The following NAALADL2 variants were observed in gnomAD, a reference collection of about 807,000 sequenced individuals.
The protein encoded by NAALADL2 is N-acetylated alpha-linked acidic dipeptidase like 2.
In NAALADL2, 76 loss-of-function variants were observed where a neutral mutation model predicts 87.2. The observed-to-expected ratio is 0.87, with a 90% confidence interval of 0.72 to 1.05. NAALADL2 has a LOEUF of 1.05. Among genes scored for constraint, NAALADL2 ranks in the 50% least tolerant of loss-of-function variants. The pLI is 0.00. For missense variants in NAALADL2, 1,089 were observed against 945.8 expected, an observed-to-expected ratio of 1.15 and a Z score of -1.99; for synonymous variants, 354 against 331.0, an observed-to-expected ratio of 1.07 and a Z score of -0.75.
intron 2 of NAALADL2, among the ~76,000 whole-genome samples, chr3:174,687,038 TC>T (rs1186080817): frequency 2.6e-5 from 4 of 152,058 alleles, no homozygotes; most frequent in African/African-American, 9.7e-5. Flanking sequence ...TGGCTTCCAA[TC>T]CCACCCAGAA....
intron 5 of NAALADL2, among the ~76,000 whole-genome samples, chr3:175,442,839 A>G (rs1720041724): frequency 6.6e-6 from 1 of 152,224 alleles, no homozygotes; most frequent in Non-Finnish European, 1.5e-5. Context: ...TAAATGCTGC[A>G]AGCTAAAAGT....
intron 2 of NAALADL2, among the ~76,000 whole-genome samples, chr3:174,653,077 C>T (rs980549850): frequency 6.6e-6 from 1 of 152,178 alleles, no homozygotes; most frequent in Admixed American, 6.5e-5. Context: ...TGTGGACCAA[C>T]TAGAACTCTC....
At chr3:174,846,779 C>T (rs574953983) in intron 3 of NAALADL2, among the ~76,000 whole-genome samples, 6 of 151,890 alleles carry the variant, frequency 4.0e-5, no homozygotes, top group African/African-American at 1.2e-4. Context: ...TTGCTGGTAA[C>T]ATGTTGACAT....
intron 11 of NAALADL2, among the ~76,000 whole-genome samples, chr3:175,701,027 C>T (rs1318742988): frequency 6.6e-6 from 1 of 152,078 alleles, no homozygotes; most frequent in Non-Finnish European, 1.5e-5. Flanking sequence ...ACCCAAATGA[C>T]AACAACCTAG....
At chr3:175,080,464 C>G (rs1161386321) in intron 1 of NAALADL2, among the ~76,000 whole-genome samples, 1 of 152,148 alleles carries the variant, frequency 6.6e-6, no homozygotes, top group African/African-American at 2.4e-5. Context: ...AATAAGACAA[C>G]TAAAATATGT....
At chr3:175,182,550 G>GTTTTTTTTTTTTTTTTTT (rs1161831796) in intron 2 of NAALADL2, among the ~76,000 whole-genome samples, 30 of 69,474 alleles carry the variant, frequency 4.3e-4, no homozygotes, top group African/African-American at 1.7e-3. Flanking sequence ...ACCACAGCCA[G>GTTTTTTTTTTTTTTTTTT]TTTTTTTTTT....
At chr3:175,645,371 G>T (rs892987748) in intron 11 of NAALADL2, among the ~76,000 whole-genome samples, 1 of 151,996 alleles carries the variant, frequency 6.6e-6, no homozygotes, top group Non-Finnish European at 1.5e-5. Flanking sequence ...TCCTCATGGG[G>T]CTGACACTCC....
At chr3:174,768,324 A>G (rs967557336) in intron 3 of NAALADL2, among the ~76,000 whole-genome samples, 1 of 152,166 alleles carries the variant, frequency 6.6e-6, no homozygotes, top group African/African-American at 2.4e-5. Flanking sequence ...AGGCAGTACA[A>G]CTTAGTGGTT....
intron 1 of NAALADL2, among the ~76,000 whole-genome samples, chr3:175,049,299 C>T (rs146443294): frequency 6.6e-6 from 1 of 152,256 alleles, no homozygotes; most frequent in East Asian, 1.9e-4. Context: ...TGGGACAGAT[C>T]AAGATTTCAT....
chr3:175,532,114 G>C (rs750030640), intron 9 of NAALADL2, among the ~76,000 whole-genome samples: 3 of 152,102 alleles, frequency 2.0e-5, no homozygotes, highest in Non-Finnish European at 1.5e-5. Flanking sequence ...TTCTGGAACT[G>C]GGGAAATGAC....
Position 174,852,059 on chromosome 3 carries a change from G to A in NAALADL2, c.-9+114313G>A, listed in dbSNP as rs187918108. 3.6e-3 allele frequency among the ~76,000 whole-genome samples: 552 copies of A among 152,076 alleles called. 3 individuals carry two copies. Among genetic ancestry groups the A allele is most frequent in the Middle Eastern group, 0.02 (6 of 294 alleles). ...ATGAGAAAAACTCTCAAAAAACTGG[G>A]TATAGAAGGAACCAACCTGATAACT... is the stretch of plus-strand genomic sequence containing the variant. On this transcript the variant is annotated intron_variant, in intron 3 of 3. Transcript: ENST00000434257.
At chr3:175,532,425 T>C (rs1247976009) in intron 9 of NAALADL2, among the ~76,000 whole-genome samples, 1 of 152,216 alleles carries the variant, frequency 6.6e-6, no homozygotes, top group Non-Finnish European at 1.5e-5. Flanking sequence ...TTGGCTTCCC[T>C]TTCATTCACT....
chr3:174,962,603 A>G (rs1052787660), intron 1 of NAALADL2, among the ~76,000 whole-genome samples: 33 of 151,770 alleles, frequency 2.2e-4, no homozygotes, highest in African/African-American at 5.8e-4. Context: ...AGTGGGATGC[A>G]TTAGCTGAGA....
At chr3:175,086,408 T>C (rs967074400) in intron 1 of NAALADL2, among the ~76,000 whole-genome samples, 2 of 151,770 alleles carry the variant, frequency 1.3e-5, no homozygotes, top group African/African-American at 2.4e-5. Context: ...GAGGGAGCAT[T>C]ACAGAAACAA....
intron 3 of NAALADL2, among the ~76,000 whole-genome samples, chr3:174,810,072 A>G (rs1719994317): frequency 6.6e-6 from 1 of 152,186 alleles, no homozygotes. Flanking sequence ...CTTCCTGTAC[A>G]GCCTACAGAA....
At chr3:174,774,444 A>T (rs1369177772) in intron 3 of NAALADL2, among the ~76,000 whole-genome samples, 2 of 152,150 alleles carry the variant, frequency 1.3e-5, no homozygotes, top group East Asian at 3.9e-4. Flanking sequence ...ATACCTTCAC[A>T]TCTTGACTTC....
At chr3:175,755,520 A>G in intron 13 of NAALADL2, 102 bp downstream of exon 13, 1 of 795,192 alleles carries the variant, frequency 1.3e-6, no homozygotes, top group Non-Finnish European at 1.8e-6. Flanking sequence ...GTAGTGTAAA[A>G]GAAATTATAA....
At chr3:174,931,410 G>A (rs528891025) in intron 1 of NAALADL2, among the ~76,000 whole-genome samples, 4 of 152,172 alleles carry the variant, frequency 2.6e-5, no homozygotes, top group African/African-American at 7.2e-5. Context: ...AGATGGGAAC[G>A]ATACTAAAAG....
chr3:174,921,819 AAAGAAAAAG>A (rs1194859434), intron 1 of NAALADL2, among the ~76,000 whole-genome samples: 1 of 81,420 alleles, frequency 1.2e-5, no homozygotes, highest in African/African-American at 6.4e-5. Flanking sequence ...AAAAAAAAAA[AAAGAAAAAG>A]AAAAAGAAAA....
Sources: allele counts gnomAD v4.1 joint callset (sites outside exome capture counted in the v4.1 genomes callset), GRCh38; gene constraint gnomAD v4.1.1; transcripts MANE v1.5; gene names NCBI Gene and HGNC (gene_info 2026-07-23, HGNC 2026-07-21).